The following BBX variants were observed in gnomAD, a reference collection of about 807,000 sequenced individuals.
The protein encoded by BBX is HMG box transcription factor BBX.
A neutral mutation model predicts 100.2 loss-of-function variants in BBX; 30 were observed. That is an observed-to-expected ratio of 0.30 (90% CI 0.22 to 0.41). BBX has a LOEUF of 0.41. Among genes scored for constraint, BBX ranks in the 10% least tolerant of loss-of-function variants. The pLI is 1.00. For missense variants in BBX, 1,023 were observed against 1,129.8 expected (o/e 0.91, Z 1.35); for synonymous variants, 376 against 388.1 (o/e 0.97, Z 0.37).
intron 15 of BBX, among the ~76,000 whole-genome samples, chr3:107,794,583 CTCTTT>C (rs1311767550): frequency 1.3e-5 from 2 of 152,196 alleles, no homozygotes. Context: ...CTAACTCGAT[CTCTTT>C]TCTTAAGTTT....
At chr3:107,612,832 T>A (rs1282470584) in intron 2 of BBX, among the ~76,000 whole-genome samples, 2 of 152,186 alleles carry the variant, frequency 1.3e-5, no homozygotes, top group African/African-American at 2.4e-5. Flanking sequence ...CTGTTCAGGG[T>A]GGCAAATTCC....
At position 107,744,708 on chromosome 3, in the gene BBX, G is replaced by A. The variant is rs375591352; in HGVS notation, c.748G>A (p.Glu250Lys). 7 of 1,610,936 alleles carry A rather than the reference G, an allele frequency of 4.3e-6. No individual in the cohort carries two copies. The highest frequency in any genetic ancestry group is 2.2e-5 in the East Asian group (1 of 44,800). Residue 250 changes from glutamate to lysine, a missense_variant and splice_region_variant, in exon 8 of 18, where the codon GAG becomes AAG. Glu to Lys is a moderately conservative substitution (Grantham distance 56). Around this residue, in one of 9 missense-constraint regions of BBX, gnomAD observed 95 missense variants for 95.1 expected, o/e 1.00. Transcript: ENST00000325805. ...GAAGTCACCATTGTTTCAGTTTGCC[G>A]AGGTAATATATTACAATTGATACTT... ...RQKSPLFQFA[E>K]ISSSTSHSDA...
chr3:107,792,779 A>G (rs111387013), intron 15 of BBX, among the ~76,000 whole-genome samples: 125 of 152,346 alleles, frequency 8.2e-4, no homozygotes, highest in African/African-American at 2.9e-3. Context: ...TAAGGCACTG[A>G]TGAACTAGCA....
intron 6 of BBX, among the ~76,000 whole-genome samples, chr3:107,731,669 AC>A (rs1230418960): frequency 1.3e-5 from 2 of 149,766 alleles, no homozygotes; most frequent in African/African-American, 2.5e-5. Context: ...TCTTCCCCCA[AC>A]CCCTGCCCCT....
chr3:107,582,669 C>T (rs1464592498), intron 2 of BBX, among the ~76,000 whole-genome samples: 1 of 151,812 alleles, frequency 6.6e-6, no homozygotes, highest in Non-Finnish European at 1.5e-5. Context: ...GTAGTACTTC[C>T]TGTGTTAATG....
At chr3:107,671,696 C>G (rs2059027956) in intron 3 of BBX, among the ~76,000 whole-genome samples, 1 of 152,032 alleles carries the variant, frequency 6.6e-6, no homozygotes, top group Non-Finnish European at 1.5e-5. Flanking sequence ...TAAAACAATT[C>G]ACACATTTTA....
At chr3:107,532,477 C>T (rs1350465595) in intron 2 of BBX, among the ~76,000 whole-genome samples, 11 of 152,122 alleles carry the variant, frequency 7.2e-5, no homozygotes, top group Non-Finnish European at 1.5e-4. Context: ...CAAAACCCAT[C>T]CTTGTGTCAA....
At chr3:107,540,137 G>A (rs2048764613) in intron 2 of BBX, among the ~76,000 whole-genome samples, 1 of 152,186 alleles carries the variant, frequency 6.6e-6, no homozygotes, top group Non-Finnish European at 1.5e-5. Context: ...ATGTAGTTCA[G>A]CACGAGGGAT....
At chr3:107,737,724 C>G (rs893606908) in intron 7 of BBX, among the ~76,000 whole-genome samples, 4 of 152,044 alleles carry the variant, frequency 2.6e-5, no homozygotes, top group African/African-American at 7.2e-5. Context: ...CATGATACTT[C>G]TAGCTTAAAA....
rs1156396951 is a variant in BBX at position 107,737,884 on chromosome 3, G to GTTTTTTTTTTTT, written c.669+4880_669+4891dup. The stretch of plus-strand genomic sequence containing the variant: ...GGACCAGAAGTACTTCAGAGTTCCA[G>GTTTTTTTTTTTT]TTTTTTTTTTTTTTTTTTTTTTTTT... On this transcript the variant is annotated intron_variant, in intron 7 of 17. Coordinates refer to ENST00000325805, the MANE Select transcript of BBX (RefSeq NM_001142568.3). Among the ~76,000 whole-genome samples, 26 of 48,898 alleles carry GTTTTTTTTTTTT rather than the reference G, an allele frequency of 5.3e-4. 4 individuals carry two copies. Among genetic ancestry groups the GTTTTTTTTTTTT allele is most frequent in the Non-Finnish European group, 6.9e-4 (20 of 29,126 alleles). 32.1% of individuals were successfully genotyped at this position (48,898 alleles called of 152,430 possible). A position where few individuals can be genotyped will look rare whatever the true frequency, so the allele number is the denominator to read the frequency against.
chr3:107,616,005 C>CTTTTTT (rs59614452), intron 2 of BBX, among the ~76,000 whole-genome samples: 1 of 19,246 alleles, frequency 5.2e-5, no homozygotes, highest in African/African-American at 2.5e-4. Context: ...TACTCACCTG[C>CTTTTTT]TTTTTTTTTT....
At chr3:107,680,155 A>C (rs1419222335) in intron 3 of BBX, among the ~76,000 whole-genome samples, 1 of 152,174 alleles carries the variant, frequency 6.6e-6, no homozygotes, top group East Asian at 1.9e-4. Flanking sequence ...ATGATGGAGA[A>C]GCAAGCCAAA....
intron 2 of BBX, among the ~76,000 whole-genome samples, chr3:107,618,077 T>G (rs1016009975): frequency 2.0e-5 from 3 of 152,060 alleles, no homozygotes; most frequent in African/African-American, 7.2e-5. Flanking sequence ...AAGTTTTCTT[T>G]TTATCATGAA....
In BBX at chr3:107,733,002, A is replaced by G. The variant is rs1318878371; in HGVS notation, c.648A>G (p.Glu216=). ...TGAGTATGCTGCTGTTAGCTGGAGA[A>G]CATGCTCTTGGCACACCAGAGGTAA... ...GGLSMLLLAG[E]HALGTPEVSS... The change falls in exon 7 of 18, where the codon GAA becomes GAG. Residue 216 remains glutamate (E), a synonymous_variant. Transcript: ENST00000325805. The G allele has an allele frequency of 2.5e-6, 4 of 1,613,042 alleles. No individual in the cohort carries two copies. The African/African-American group carries it at 4.0e-5, about 16-fold the overall frequency.
chr3:107,740,639 A>G (rs888373304), intron 7 of BBX, among the ~76,000 whole-genome samples: 1 of 151,824 alleles, frequency 6.6e-6, no homozygotes, highest in African/African-American at 2.4e-5. Flanking sequence ...ACTATACTCC[A>G]ATGCATCTTA....
In BBX at chr3:107,679,717, A is replaced by G. The variant is rs189220199; in HGVS notation, c.-9-30735A>G. Among the ~76,000 whole-genome samples the G allele has an allele frequency of 3.1e-4, 47 of 152,296 alleles. No homozygotes were observed. The East Asian group carries it at 9.1e-3, about 29-fold the overall frequency. ...CAAACAGAACCAGAAAGGGATTAGT[A>G]CAGTCCAGGCTTTCTCTTTCCTCTG... On this transcript the variant is annotated intron_variant, in intron 3 of 17. Transcript: ENST00000325805.
intron 14 of BBX, among the ~76,000 whole-genome samples, chr3:107,790,534 G>A (rs1035493885): frequency 4.6e-5 from 7 of 152,094 alleles, no homozygotes; most frequent in African/African-American, 1.7e-4. Flanking sequence ...CCTCTTCAGG[G>A]CTCATCTTAA....
intron 7 of BBX, among the ~76,000 whole-genome samples, chr3:107,741,154 C>A (rs957793481): frequency 1.3e-5 from 2 of 151,708 alleles, no homozygotes; most frequent in African/African-American, 4.8e-5. Flanking sequence ...GTGTTCATGC[C>A]GGCAGTGCAT....
intron 3 of BBX, among the ~76,000 whole-genome samples, chr3:107,663,953 C>T (rs868843231): frequency 6.6e-6 from 1 of 151,904 alleles, no homozygotes; most frequent in Admixed American, 6.6e-5. Context: ...CTACAGGCAC[C>T]TGCCACTGTG....
Sources: allele counts gnomAD v4.1 joint callset (sites outside exome capture counted in the v4.1 genomes callset), GRCh38; gene constraint gnomAD v4.1.1; regional missense constraint gnomAD v4.1.1; transcripts MANE v1.5; gene names NCBI Gene and HGNC (gene_info 2026-07-23, HGNC 2026-07-21).